Variants in GRIA1 observed in about 807,000 individuals in gnomAD.
The protein encoded by GRIA1 is glutamate receptor 1.
GRIA1 carries 31 observed loss-of-function variants against 99.2 expected under a neutral mutation model. The observed-to-expected ratio is 0.31, with a 90% CI of 0.23 to 0.42. GRIA1 has a LOEUF of 0.42. Among genes scored for constraint, GRIA1 ranks in the 10% least tolerant of loss-of-function variants. GRIA1 has a pLI of 1.00. For missense variants in GRIA1, 782 were observed against 1,157.5 expected (o/e 0.68, Z 4.71); for synonymous variants, 438 against 432.4 (o/e 1.01, Z -0.16).
intron 11 of GRIA1, among the ~76,000 whole-genome samples, chr5:153,722,013 T>C (rs553953753): frequency 1.3e-5 from 2 of 152,344 alleles, no homozygotes; most frequent in South Asian, 2.1e-4. Flanking sequence ...CTTTTCCTTT[T>C]AGCAAGTAGA....
intron 4 of GRIA1, among the ~76,000 whole-genome samples, chr5:153,651,442 AGG>A (rs1754569169): frequency 1.8e-5 from 1 of 55,168 alleles, no homozygotes; most frequent in Admixed American, 1.6e-4. Flanking sequence ...CAGAATTAGC[AGG>A]ATTTTTTGTA....
At chr5:153,634,023 A>T (rs1023917245) in intron 2 of GRIA1, among the ~76,000 whole-genome samples, 9 of 152,192 alleles carry the variant, frequency 5.9e-5, no homozygotes, top group African/African-American at 2.2e-4. Flanking sequence ...GCAATAGAGA[A>T]TAAAGAGTAG....
chr5:153,575,266 TGGTCC>T (rs1762434591), intron 2 of GRIA1, among the ~76,000 whole-genome samples: 1 of 149,238 alleles, frequency 6.7e-6, no homozygotes, highest in Admixed American at 6.7e-5. Context: ...AACTAAAGAG[TGGTCC>T]TCATGAAAGC....
At chr5:153,615,830 T>C (rs935541438) in intron 2 of GRIA1, among the ~76,000 whole-genome samples, 3 of 152,158 alleles carry the variant, frequency 2.0e-5, no homozygotes, top group African/African-American at 7.2e-5. Context: ...TTAAAGATGC[T>C]AATTTCTGTC....
At chr5:153,691,030 T>C (rs898200966) in intron 8 of GRIA1, among the ~76,000 whole-genome samples, 1 of 152,220 alleles carries the variant, frequency 6.6e-6, no homozygotes, top group African/African-American at 2.4e-5. Context: ...GAAACTCTCC[T>C]GATCTTCAGG....
chr5:153,801,443 CAGTGGCCTTCCT>C (rs1581680306), intron 14 of GRIA1, among the ~76,000 whole-genome samples: 1 of 152,044 alleles, frequency 6.6e-6, no homozygotes, highest in East Asian at 1.9e-4. Context: ...CTCAGGAGAC[CAGTGGCCTTCCT>C]CTGGCTCCAC....
intron 11 of GRIA1, among the ~76,000 whole-genome samples, chr5:153,735,401 G>A (rs1240108121): frequency 1.3e-5 from 2 of 152,176 alleles, no homozygotes; most frequent in African/African-American, 4.8e-5. Context: ...TGAGCAAGCA[G>A]GGGGTACCTG....
intron 15 of GRIA1, among the ~76,000 whole-genome samples, chr5:153,807,574 AG>A (rs1028212037): frequency 6.6e-6 from 1 of 152,218 alleles, no homozygotes; most frequent in Non-Finnish European, 1.5e-5. Context: ...TTGCCCAGAA[AG>A]GGGAAGAAGG....
intron 11 of GRIA1, among the ~76,000 whole-genome samples, chr5:153,743,189 G>A (rs1386084226): frequency 2.6e-5 from 4 of 152,176 alleles, no homozygotes; most frequent in African/African-American, 9.7e-5. Flanking sequence ...TGCAGACATC[G>A]TCAAATGGCA....
At chr5:153,531,605 G>A (rs1181618829) in intron 2 of GRIA1, among the ~76,000 whole-genome samples, 2 of 152,184 alleles carry the variant, frequency 1.3e-5, no homozygotes. Context: ...TTTAGCAAAA[G>A]TCTGCACTTC....
intron 2 of GRIA1, among the ~76,000 whole-genome samples, chr5:153,496,426 C>T (rs868007234): frequency 7.2e-5 from 11 of 152,190 alleles, no homozygotes; most frequent in African/African-American, 2.7e-4. Flanking sequence ...TGATAAAATG[C>T]CCTTGCTCTC....
At chr5:153,613,306 A>G (rs548148073) in intron 2 of GRIA1, among the ~76,000 whole-genome samples, 1 of 152,286 alleles carries the variant, frequency 6.6e-6, no homozygotes, top group South Asian at 2.1e-4. Context: ...TCCAGTAATC[A>G]TGCATTTAAC....
chr5:153,810,368 C>A (rs1416122787), intron 15 of GRIA1, among the ~76,000 whole-genome samples: 1 of 152,196 alleles, frequency 6.6e-6, no homozygotes, highest in Non-Finnish European at 1.5e-5. Context: ...ATTATTCAAA[C>A]GAGTCCTACA....
chr5:153,632,796 T>C (rs1753074539), intron 2 of GRIA1, among the ~76,000 whole-genome samples: 1 of 152,110 alleles, frequency 6.6e-6, no homozygotes, highest in East Asian at 1.9e-4. Context: ...AAGTTCACAG[T>C]CTGATGAAGA....
At chr5:153,672,804 C>A (rs1437632424) in intron 5 of GRIA1, among the ~76,000 whole-genome samples, 1 of 152,152 alleles carries the variant, frequency 6.6e-6, no homozygotes, top group African/African-American at 2.4e-5. Flanking sequence ...CTCATTTTCC[C>A]ATTTCATTCA....
At chr5:153,731,447 T>C (rs2149559143) in intron 11 of GRIA1, among the ~76,000 whole-genome samples, 1 of 152,192 alleles carries the variant, frequency 6.6e-6, no homozygotes, top group East Asian at 1.9e-4. Flanking sequence ...CTCCACCTGC[T>C]AGGACAGCCT....
rs373472152 is a variant in GRIA1, at chr5:153,751,680, C to T, written c.1824-12754C>T. On this transcript the variant is annotated intron_variant, in intron 11 of 15. Transcript: ENST00000285900. ...TCTAAACTGTGACATTAGAAGCACA[C>T]ATTTAAAGGCCTGCAATGAATCCTA... Among the ~76,000 whole-genome samples, 50 of 152,358 alleles carry T rather than the reference C, an allele frequency of 3.3e-4. No homozygotes were observed. The East Asian group carries it at 4.4e-3, about 14-fold the overall frequency.
intron 5 of GRIA1, among the ~76,000 whole-genome samples, chr5:153,673,768 G>C (rs987862515): frequency 3.3e-5 from 5 of 152,230 alleles, no homozygotes; most frequent in African/African-American, 1.2e-4. Flanking sequence ...ACAAATGTAA[G>C]ATTTCCTTTT....
chr5:153,613,377 T>G (rs1254105768), intron 2 of GRIA1, among the ~76,000 whole-genome samples: 4 of 152,194 alleles, frequency 2.6e-5, no homozygotes, highest in Non-Finnish European at 5.9e-5. Context: ...TAGTCTTATT[T>G]GTTTTCCATG....
Sources: gnomAD v4.1 joint callset for allele counts (sites outside exome capture counted in the v4.1 genomes callset) on GRCh38, gnomAD v4.1.1 for gene constraint, MANE v1.5 for transcripts, NCBI Gene and HGNC (gene_info 2026-07-23, HGNC 2026-07-21) for gene names.